STARD13: variants seen among roughly 807,000 people sequenced by gnomAD.
STARD13 encodes stAR-related lipid transfer protein 13.
A neutral mutation model predicts 106.4 loss-of-function variants in STARD13; 62 were observed. The observed-to-expected ratio is 0.58, with a 90% CI of 0.48 to 0.72. The LOEUF is 0.72. Ranked by LOEUF, STARD13 falls within the 30% of genes least tolerant of loss-of-function variation. The pLI is 0.00. For synonymous variants in STARD13, 565 were observed against 553.0 expected, an observed-to-expected ratio of 1.02 and a Z score of -0.31; for missense variants, 1,387 against 1,424.0, an observed-to-expected ratio of 0.97 and a Z score of 0.42.
the STARD13 span, among the ~76,000 whole-genome samples, chr13:33,675,023 A>G: frequency 6.6e-6 from 1 of 152,208 alleles, no homozygotes; most frequent in Non-Finnish European, 1.5e-5. Flanking sequence ...TCACACCTAC[A>G]TCCTGGGTGT....
the STARD13 span, among the ~76,000 whole-genome samples, chr13:33,392,301 A>G: frequency 6.6e-6 from 1 of 152,152 alleles, no homozygotes; most frequent in African/African-American, 2.4e-5. Context: ...AAAATATTAT[A>G]GAGGATGAAG....
the STARD13 span, among the ~76,000 whole-genome samples, chr13:33,622,169 ATGT>A: frequency 6.6e-6 from 1 of 152,184 alleles, no homozygotes. Flanking sequence ...ATTCCACCAA[ATGT>A]TGTCAGAGCA....
the STARD13 span, among the ~76,000 whole-genome samples, chr13:33,667,673 T>C: frequency 6.6e-6 from 1 of 152,222 alleles, no homozygotes; most frequent in African/African-American, 2.4e-5. Flanking sequence ...TGCTATCAGT[T>C]GTAAAATGCA....
At chr13:33,481,700 T>C in the STARD13 span, among the ~76,000 whole-genome samples, 1 of 152,168 alleles carries the variant, frequency 6.6e-6, no homozygotes, top group Non-Finnish European at 1.5e-5. Context: ...TTTAGAGCCA[T>C]ATAACTAATT....
At chr13:33,110,199 C>A in intron 11 of STARD13, 109 bp from the exon 12 acceptor site, 1 of 887,856 alleles carries the variant, frequency 1.1e-6, no homozygotes, top group Non-Finnish European at 1.8e-6. Context: ...TGTTCAAAAA[C>A]CATCACTGAT....
In STARD13 at chr13:33,129,080, T is replaced by A. The variant is rs1405913679; in HGVS notation, c.1597A>T (p.Thr533Ser). 6.2e-7 allele frequency: 1 copy of A among 1,614,012 alleles called. No homozygotes were observed. Among genetic ancestry groups the A allele is most frequent in the African/African-American group, 1.3e-5 (1 of 74,892 alleles). ...ACAGAGTTACCTTCAAAATCTAAGG[T>A]GATCTGATTAGGAGATGGAAAGGTG... The part of the protein sequence containing the change: ...LSTFPSPNQI[T>S]LDFEGNSVSE... Residue 533 changes from threonine (T) to serine (S), a missense_variant, in exon 5 of 14, where the codon ACC becomes TCC. Thr to Ser is a moderately conservative substitution (Grantham distance 58). Transcript: ENST00000336934.
In STARD13 at chr13:33,103,534, T is replaced by G. The variant is rs969972708; in HGVS notation, c.*2059A>C. 4 of 152,608 alleles carry G rather than the reference T, an allele frequency of 2.6e-5. No homozygotes were observed. The highest frequency in any genetic ancestry group is 3.8e-4 in the East Asian group (2 of 5,200). The allele number at this position is 152,608 out of a possible 1,614,324, so 9.5% of individuals were successfully genotyped here. On this transcript the variant is annotated 3_prime_UTR_variant, in exon 14 of 14. Coordinates refer to ENST00000336934, the MANE Select transcript of STARD13 (RefSeq NM_178006.4). ...GATCTTCTAGGTCCTCGTTTCTGAG[T>G]GTGGTTTTAGGCCAGCAGCATAGGC...
rs546582922 is a variant in STARD13, at chr13:33,245,295, C to T, written c.169+40175G>A. 6.6e-5 allele frequency among the ~76,000 whole-genome samples: 10 copies of T among 152,278 alleles called. No homozygotes were observed. In the South Asian group the frequency reaches 2.1e-3, roughly 32 times the overall value. On this transcript the variant is annotated intron_variant, in intron 1 of 13. Coordinates refer to ENST00000336934, the MANE Select transcript of STARD13 (RefSeq NM_178006.4). ...GACATGACACTGCATTTTATAAAAT[C>T]AGAGTAAACAGAAAAAAGACAAGAA...
chr13:33,665,847 C>T, the STARD13 span, among the ~76,000 whole-genome samples: 1 of 152,222 alleles, frequency 6.6e-6, no homozygotes, highest in South Asian at 2.1e-4. Context: ...CCTGGGGTCT[C>T]CTCGGTGCCA....
the STARD13 span, among the ~76,000 whole-genome samples, chr13:33,457,468 C>T: frequency 6.6e-6 from 1 of 152,100 alleles, no homozygotes; most frequent in Admixed American, 6.6e-5. Context: ...AACTGTCTGC[C>T]CATTTAAGTT....
At chr13:33,621,872 A>T in the STARD13 span, among the ~76,000 whole-genome samples, 1 of 150,128 alleles carries the variant, frequency 6.7e-6, no homozygotes, top group Non-Finnish European at 1.5e-5. Context: ...GGGCATGATC[A>T]TGGCTCACTG....
At chr13:33,117,999 A>G in intron 8 of STARD13, 66 bp downstream of exon 8, 1 of 1,603,146 alleles carries the variant, frequency 6.2e-7, no homozygotes, top group Non-Finnish European at 8.5e-7. Context: ...CTCAATCTAT[A>G]GGGAATTATT....
intron 3 of STARD13, among the ~76,000 whole-genome samples, chr13:33,160,378 C>T (rs1882481991): frequency 6.6e-6 from 1 of 151,942 alleles, no homozygotes; most frequent in South Asian, 2.1e-4. Flanking sequence ...AGTTGTGACC[C>T]TATGTTAGGC....
chr13:33,142,281 C>T, intron 4 of STARD13, 29 bp downstream of exon 4: 1 of 1,584,678 alleles, frequency 6.3e-7, no homozygotes, highest in Non-Finnish European at 8.7e-7. Flanking sequence ...CTGGCATAGC[C>T]ACATTCTTAT....
At chr13:33,183,835 C>A (rs1182127525) in intron 1 of STARD13, among the ~76,000 whole-genome samples, 1 of 152,112 alleles carries the variant, frequency 6.6e-6, no homozygotes, top group Non-Finnish European at 1.5e-5. Context: ...AACCCAATTC[C>A]CCCAGGCTGC....
intron 1 of STARD13, chr13:33,205,868 CT>C: frequency 1.0e-6 from 1 of 985,420 alleles, no homozygotes; most frequent in Non-Finnish European, 1.2e-6. Flanking sequence ...AACAAAACCC[CT>C]CTCTTCTTCA....
chr13:33,399,350 G>T, the STARD13 span, among the ~76,000 whole-genome samples: 3 of 152,070 alleles, frequency 2.0e-5, no homozygotes, highest in Non-Finnish European at 2.9e-5. Context: ...TCAGGGAGAT[G>T]TTAGTCAAAG....
At chr13:33,137,165 T>C (rs1049920730) in intron 4 of STARD13, among the ~76,000 whole-genome samples, 5 of 152,386 alleles carry the variant, frequency 3.3e-5, no homozygotes, top group Admixed American at 2.6e-4. Context: ...TTCATTTGTA[T>C]TGAATTTTAC....
At chr13:33,196,011 T>C (rs1447821389) in intron 1 of STARD13, among the ~76,000 whole-genome samples, 11 of 152,176 alleles carry the variant, frequency 7.2e-5, no homozygotes, top group Non-Finnish European at 1.6e-4. Flanking sequence ...AGAACAATGC[T>C]CTCCAAAATA....
Sources: allele counts gnomAD v4.1 joint callset (sites outside exome capture counted in the v4.1 genomes callset), GRCh38; gene constraint gnomAD v4.1.1; transcripts MANE v1.5; gene names NCBI Gene and HGNC (gene_info 2026-07-23, HGNC 2026-07-21).